PTPRN2: variants seen among roughly 807,000 people sequenced by gnomAD.
PTPRN2 encodes the protein protein tyrosine phosphatase receptor type N2, also known as receptor-type tyrosine-protein phosphatase N2.
Under a neutral mutation model 118.8 loss-of-function variants are expected in PTPRN2, and 74 were observed. The observed-to-expected ratio is 0.62, with a 90% CI of 0.52 to 0.76. PTPRN2 has a LOEUF of 0.76. Among genes scored for constraint, PTPRN2 ranks in the 30% least tolerant of loss-of-function variants. The pLI is 0.00. For synonymous variants in PTPRN2, 641 were observed against 608.0 expected (o/e 1.05, Z -0.80); for missense variants, 1,481 against 1,394.4 (o/e 1.06, Z -0.99).
chr7:157,659,265 AGGAGGATGACCGCGGGGACTG>A (rs1347876875), intron 13 of PTPRN2, among the ~76,000 whole-genome samples: 2 of 139,724 alleles, frequency 1.4e-5, no homozygotes, highest in African/African-American at 5.4e-5. Flanking sequence ...GCTGGGGACA[AGGAGGATGACCGCGGGGACTG>A]GGAGGATGAC....
rs779961670 is a variant in PTPRN2 at position 157,578,186 on chromosome 7, C to G, written c.2497-46G>C. 11 of 1,563,888 alleles carry G rather than the reference C, an allele frequency of 7.0e-6. No homozygotes were observed. The African/African-American group carries it at 1.3e-4, about 19-fold the overall frequency. On this transcript the variant is annotated intron_variant, in intron 17 of 22. Transcript: ENST00000389418. ...TGGCCGCGGTGTGACTGTCTCATCACCGCGTGACATGTGTAATTACTGCAC... is the reference window on the plus strand; with the variant it reads ...TGGCCGCGGTGTGACTGTCTCATCAGCGCGTGACATGTGTAATTACTGCAC...
chr7:158,365,826 G>C (rs1322521119), intron 2 of PTPRN2, among the ~76,000 whole-genome samples: 1 of 94,458 alleles, frequency 1.1e-5, no homozygotes, highest in Non-Finnish European at 2.0e-5. Flanking sequence ...CCGCAGACCA[G>C]TGCATGCGTG....
At chr7:158,188,605 C>CCCGCCACGCTCGCCCCCTGAGGGGGAAGG (rs1825468283) in intron 5 of PTPRN2, among the ~76,000 whole-genome samples, 3 of 29,604 alleles carry the variant, frequency 1.0e-4, no homozygotes, top group African/African-American at 3.1e-4. Flanking sequence ...GATGGGGAAG[C>CCCGCCACGCTCGCCCCCTGAGGGGGAAGG]CCGCCACGCT....
At chr7:158,016,364 C>T (rs1331368410) in intron 11 of PTPRN2, among the ~76,000 whole-genome samples, 2 of 152,054 alleles carry the variant, frequency 1.3e-5, no homozygotes, top group African/African-American at 2.4e-5. Flanking sequence ...GGCTGAAGGG[C>T]GAGGGGGAGT....
At position 158,555,253 on chromosome 7, in the gene PTPRN2, A is replaced by G. The variant is rs1160310926; in HGVS notation, c.112+32305T>C. On this transcript the variant is annotated intron_variant, in intron 1 of 22. Coordinates refer to ENST00000389418, the MANE Select transcript of PTPRN2 (RefSeq NM_002847.5). This position sits in a 1 kb window ranked among gnomAD's most constrained non-coding sequence, Gnocchi z 4.7. ...ATCTTCAGCAGCTCTTACGACTGCA[A>G]GATCCCACAGCTGCCTTTTGGGGGA... Among the ~76,000 whole-genome samples, 2 of 152,254 alleles carry G rather than the reference A, an allele frequency of 1.3e-5. No homozygotes were observed. Among genetic ancestry groups the G allele is most frequent in the African/African-American group, 2.4e-5 (1 of 41,472 alleles).
intron 3 of PTPRN2, among the ~76,000 whole-genome samples, chr7:158,260,947 G>T (rs1256697563): frequency 6.6e-6 from 1 of 152,138 alleles, no homozygotes. Flanking sequence ...GGAGGCAGAC[G>T]GGCAGGAGGG....
chr7:158,554,178 A>G (rs1381160976), intron 1 of PTPRN2, among the ~76,000 whole-genome samples: 1 of 152,190 alleles, frequency 6.6e-6, no homozygotes, highest in Non-Finnish European at 1.5e-5. Flanking sequence ...AGGCATGAGA[A>G]TTGCTTGAAC....
intron 2 of PTPRN2, among the ~76,000 whole-genome samples, chr7:158,395,312 TGAGGG>T (rs1812286319): frequency 8.1e-5 from 3 of 36,944 alleles, no homozygotes; most frequent in African/African-American, 1.1e-4. Context: ...GGGCGAGGGG[TGAGGG>T]GCGAGGGGCG....
chr7:157,681,944 G>A (rs1280152029), intron 13 of PTPRN2, among the ~76,000 whole-genome samples: 1 of 152,202 alleles, frequency 6.6e-6, no homozygotes, highest in Non-Finnish European at 1.5e-5. Context: ...CTTCCCAGAT[G>A]GGAATATCTT....
chr7:157,835,123 G>A (rs976231867), intron 12 of PTPRN2, among the ~76,000 whole-genome samples: 2 of 152,186 alleles, frequency 1.3e-5, no homozygotes, highest in African/African-American at 4.8e-5. Context: ...TATGGTTTCA[G>A]TAAGAGACAG....
At chr7:157,675,191 C>T (rs1421917997) in intron 13 of PTPRN2, among the ~76,000 whole-genome samples, 2 of 152,190 alleles carry the variant, frequency 1.3e-5, no homozygotes, top group Non-Finnish European at 2.9e-5. Context: ...CAGCGGCTCG[C>T]GTCCTTCGGA....
intron 2 of PTPRN2, among the ~76,000 whole-genome samples, chr7:158,353,412 A>G (rs1808159018): frequency 6.6e-6 from 1 of 152,258 alleles, no homozygotes; most frequent in Non-Finnish European, 1.5e-5. Flanking sequence ...CTGAAAGCTT[A>G]CTTTACATTT....
intron 2 of PTPRN2, among the ~76,000 whole-genome samples, chr7:158,367,413 C>T (rs893051826): frequency 6.6e-6 from 1 of 152,158 alleles, no homozygotes; most frequent in African/African-American, 2.4e-5. Flanking sequence ...ACTCAGATAT[C>T]CTCACTGGTG....
In PTPRN2 at chr7:158,509,478, C is replaced by T. The variant is rs1823021067; in HGVS notation, c.113-19693G>A. ...GGCATCAAGTCTGCCATTCAGGCCACACTGGGACTTGGTGTCCAGTCCTCA... is the reference window on the plus strand; with the variant it reads ...GGCATCAAGTCTGCCATTCAGGCCATACTGGGACTTGGTGTCCAGTCCTCA... On this transcript the variant is annotated intron_variant, in intron 1 of 22. Coordinates refer to ENST00000389418, the MANE Select transcript of PTPRN2 (RefSeq NM_002847.5). The surrounding 1 kb of genome is among the most constrained non-coding windows in gnomAD (Gnocchi z 4.4). Among the ~76,000 whole-genome samples, 1 of 152,218 alleles carries T rather than the reference C, an allele frequency of 6.6e-6. No individual in the cohort carries two copies. Among genetic ancestry groups the T allele is most frequent in the African/African-American group, 2.4e-5 (1 of 41,466 alleles).
chr7:157,721,449 G>T (rs753084146), intron 12 of PTPRN2, among the ~76,000 whole-genome samples: 1 of 152,220 alleles, frequency 6.6e-6, no homozygotes, highest in Non-Finnish European at 1.5e-5. Context: ...GTCAGGGGAC[G>T]AGTGTCCATG....
intron 3 of PTPRN2, among the ~76,000 whole-genome samples, chr7:158,238,041 G>T (rs1490090762): frequency 6.6e-6 from 1 of 152,176 alleles, no homozygotes; most frequent in Non-Finnish European, 1.5e-5. Context: ...TTCCGGCAGG[G>T]CTGGGGCACA....
rs1039884220 is a variant in PTPRN2 at position 157,622,900 on chromosome 7, C to A, written c.2197-1391G>T. On this transcript the variant is annotated intron_variant, in intron 14 of 22. Coordinates refer to ENST00000389418, the MANE Select transcript of PTPRN2 (RefSeq NM_002847.5). The surrounding 1 kb of genome is among the most constrained non-coding windows in gnomAD (Gnocchi z 5.3). ...CACGCAGCGAACGCTTTTCCCCCAC[C>A]ACACCTTGAGCCTTGGGAGCACACC... Among the ~76,000 whole-genome samples, 1 of 152,194 alleles carries A rather than the reference C, an allele frequency of 6.6e-6. No individual in the cohort carries two copies. Among genetic ancestry groups the A allele is most frequent in the Non-Finnish European group, 1.5e-5 (1 of 68,028 alleles).
intron 1 of PTPRN2, among the ~76,000 whole-genome samples, chr7:158,523,590 CAT>C (rs1824441892): frequency 8.1e-6 from 1 of 123,832 alleles, no homozygotes; most frequent in African/African-American, 3.2e-5. Flanking sequence ...GGAGTGGAGT[CAT>C]CTGCCCTGGA....
rs1310409601 is a variant in PTPRN2 at position 157,801,744 on chromosome 7, G to A, written c.1788+96929C>T. Among the ~76,000 whole-genome samples the A allele has an allele frequency of 1.3e-5, 2 of 152,142 alleles. No individual in the cohort carries two copies. Among genetic ancestry groups the A allele is most frequent in the East Asian group, 1.9e-4 (1 of 5,196 alleles). On this transcript the variant is annotated intron_variant, in intron 12 of 22. Transcript: ENST00000389418. This position sits in a 1 kb window ranked among gnomAD's most constrained non-coding sequence, Gnocchi z 4.2. ...GAGGCGGCTGCTGAATGCCTCCACCGAGGGTTCTGGGAAGGAAAACGCCCG... is the reference window on the plus strand; with the variant it reads ...GAGGCGGCTGCTGAATGCCTCCACCAAGGGTTCTGGGAAGGAAAACGCCCG...
Sources: gnomAD v4.1 joint callset for allele counts (sites outside exome capture counted in the v4.1 genomes callset) on GRCh38, gnomAD v4.1.1 for gene constraint, Gnocchi (gnomAD v3.1) non-coding constraint, MANE v1.5 for transcripts, NCBI Gene and HGNC (gene_info 2026-07-23, HGNC 2026-07-21) for gene names.